Variants in PICALM observed in about 807,000 individuals in gnomAD.
The protein encoded by PICALM is phosphatidylinositol binding clathrin assembly protein, also known as phosphatidylinositol-binding clathrin assembly protein.
Under a neutral mutation model 80.5 loss-of-function variants are expected in PICALM, and 40 were observed. The observed-to-expected ratio is 0.50, with a 90% CI of 0.39 to 0.65. The LOEUF is 0.65. Ranked by LOEUF, PICALM falls within the 30% of genes least tolerant of loss-of-function variation. PICALM has a pLI of 0.00. For synonymous variants in PICALM, 288 were observed against 260.3 expected (o/e 1.11, Z -1.02); for missense variants, 676 against 778.9 (o/e 0.87, Z 1.57).
intron 4 of PICALM, among the ~76,000 whole-genome samples, chr11:86,021,866 T>G (rs115192235): frequency 1.3e-5 from 2 of 152,184 alleles, no homozygotes; most frequent in African/African-American, 4.8e-5. Flanking sequence ...AATAAAATAC[T>G]GATATATGAA....
intron 19 of PICALM, among the ~76,000 whole-genome samples, chr11:85,973,221 A>G (rs542843013): frequency 5.4e-4 from 83 of 152,356 alleles, no homozygotes; most frequent in African/African-American, 1.9e-3. Flanking sequence ...AACTAAATTC[A>G]CTACCCACTC....
At chr11:86,050,825 C>T (rs1170374122) in intron 1 of PICALM, among the ~76,000 whole-genome samples, 1 of 151,694 alleles carries the variant, frequency 6.6e-6, no homozygotes, top group Non-Finnish European at 1.5e-5. Context: ...TTTTTTACAT[C>T]CAAGATACAC....
At chr11:86,057,846 T>C (rs1024293459) in intron 1 of PICALM, among the ~76,000 whole-genome samples, 5 of 152,136 alleles carry the variant, frequency 3.3e-5, no homozygotes, top group Non-Finnish European at 7.3e-5. Flanking sequence ...ATGCAAACAA[T>C]GTCATTTTAC....
At chr11:86,054,167 TAAC>T (rs2096235213) in intron 1 of PICALM, among the ~76,000 whole-genome samples, 1 of 152,294 alleles carries the variant, frequency 6.6e-6, no homozygotes, top group African/African-American at 2.4e-5. Context: ...ACACTATGTA[TAAC>T]AACATTCGGA....
intron 19 of PICALM, among the ~76,000 whole-genome samples, chr11:85,959,633 CAAAAAAAA>C (rs1161064257): frequency 2.2e-5 from 1 of 45,200 alleles, no homozygotes; most frequent in East Asian, 8.7e-4. Flanking sequence ...AACTCCATCT[CAAAAAAAA>C]AAAAAAAAAA....
intron 4 of PICALM, among the ~76,000 whole-genome samples, 171 bp from the exon 5 acceptor site, chr11:86,015,134 C>T (rs887411503): frequency 6.6e-6 from 1 of 151,920 alleles, no homozygotes; most frequent in Non-Finnish European, 1.5e-5. Context: ...ACAGAAAAAA[C>T]AAAAACAGGC....
intron 1 of PICALM, among the ~76,000 whole-genome samples, chr11:86,064,572 C>T (rs1330844563): frequency 2.7e-5 from 4 of 150,350 alleles, no homozygotes; most frequent in Admixed American, 1.3e-4. Context: ...TGTCTGAACC[C>T]GGGAAGTCAA....
intron 3 of PICALM, among the ~76,000 whole-genome samples, chr11:86,022,772 C>T (rs201491353): frequency 1.3e-5 from 2 of 151,698 alleles, no homozygotes; most frequent in South Asian, 2.1e-4. Context: ...ATTAGAAAAA[C>T]GTTCTTTTAC....
At chr11:85,995,043 G>A (rs961648358) in intron 12 of PICALM, among the ~76,000 whole-genome samples, 4 of 151,994 alleles carry the variant, frequency 2.6e-5, no homozygotes, top group Non-Finnish European at 5.9e-5. Flanking sequence ...GTTTAAGTTA[G>A]TTTAGTCTAA....
chr11:86,023,488 T>C (rs1278059854), intron 3 of PICALM: 1 of 984,848 alleles, frequency 1.0e-6, no homozygotes, highest in African/African-American at 1.7e-5. Flanking sequence ...CTATCTACTA[T>C]ACCCCATCCT....
intron 17 of PICALM, among the ~76,000 whole-genome samples, chr11:85,979,556 A>G (rs889049371): frequency 1.3e-5 from 2 of 152,156 alleles, no homozygotes; most frequent in African/African-American, 4.8e-5. Flanking sequence ...AAGAAAACAA[A>G]AACAACAACA....
At chr11:86,060,977 G>C (rs942643469) in intron 1 of PICALM, among the ~76,000 whole-genome samples, 2 of 152,128 alleles carry the variant, frequency 1.3e-5, no homozygotes, top group Non-Finnish European at 2.9e-5. Context: ...CTCTGTGAAA[G>C]GCATTGTCAA....
rs527516740 is a variant in PICALM at position 86,039,743 on chromosome 11, A to G, written c.131-8132T>C. On this transcript the variant is annotated intron_variant, in intron 1 of 19. Coordinates refer to ENST00000393346, the MANE Select transcript of PICALM (RefSeq NM_007166.4). Reference sequence around the variant, plus strand: ...GTGTTGGGTGTCTTCAGAACTTTAAAAAGCAACAAAATCATTTTGGGAGGC... The same window carrying G: ...GTGTTGGGTGTCTTCAGAACTTTAAGAAGCAACAAAATCATTTTGGGAGGC... Among the ~76,000 whole-genome samples the G allele has an allele frequency of 2.0e-5, 3 of 152,216 alleles. No homozygotes were observed. In the South Asian group the frequency reaches 6.2e-4, roughly 32 times the overall value.
chr11:85,967,482 T>C (rs1185471126), intron 19 of PICALM, among the ~76,000 whole-genome samples: 2 of 152,238 alleles, frequency 1.3e-5, no homozygotes, highest in Admixed American at 6.5e-5. Flanking sequence ...CTTCTAACAT[T>C]TCTATTTCGA....
intron 7 of PICALM, among the ~76,000 whole-genome samples, chr11:86,010,762 T>A (rs903036153): frequency 1.2e-4 from 19 of 152,380 alleles, no homozygotes; most frequent in Middle Eastern, 3.4e-3. Flanking sequence ...CTGGCACTAC[T>A]GTATGTCACC....
intron 1 of PICALM, among the ~76,000 whole-genome samples, chr11:86,063,637 C>T (rs1467652140): frequency 6.6e-6 from 1 of 151,754 alleles, no homozygotes; most frequent in African/African-American, 2.4e-5. Flanking sequence ...TCTGCCATGG[C>T]GACAGAAAAA....
chr11:85,988,261 T>G (rs762601036), intron 13 of PICALM, among the ~76,000 whole-genome samples: 1 of 152,150 alleles, frequency 6.6e-6, no homozygotes, highest in Admixed American at 6.5e-5. Flanking sequence ...CTTCTGAAAA[T>G]TTAAGGTTTT....
intron 1 of PICALM, among the ~76,000 whole-genome samples, chr11:86,032,289 A>T (rs1371761650): frequency 6.6e-6 from 1 of 152,222 alleles, no homozygotes; most frequent in Non-Finnish European, 1.5e-5. Context: ...AGTAACCTAC[A>T]ATCTGTTTAA....
intron 8 of PICALM, among the ~76,000 whole-genome samples, chr11:86,005,793 T>C (rs1055030175): frequency 7.0e-6 from 1 of 142,200 alleles, no homozygotes; most frequent in Admixed American, 7.0e-5. Context: ...AAAAAAAGAG[T>C]AAATAATCTC....
Sources: allele counts gnomAD v4.1 joint callset (sites outside exome capture counted in the v4.1 genomes callset), GRCh38; gene constraint gnomAD v4.1.1; transcripts MANE v1.5; gene names NCBI Gene and HGNC (gene_info 2026-07-23, HGNC 2026-07-21).